Variants in AGAP1 observed in about 807,000 individuals in gnomAD.
AGAP1 encodes ArfGAP with GTPase domain, ankyrin repeat and PH domain 1, also known as arf-GAP with GTPase, ANK repeat and PH domain-containing protein 1.
AGAP1 carries 29 observed loss-of-function variants against 105.3 expected under a neutral mutation model. That is an observed-to-expected ratio of 0.28 (90% CI 0.21 to 0.38). The LOEUF (loss-of-function observed/expected upper bound fraction) is 0.38, where lower values mean the gene tolerates loss of function less well. Among genes scored for constraint, AGAP1 ranks in the 10% least tolerant of loss-of-function variants. The pLI, the probability that AGAP1 is intolerant of heterozygous loss-of-function variation, is 1.00. For synonymous variants in AGAP1, 509 were observed against 485.9 expected, an observed-to-expected ratio of 1.05 and a Z score of -0.63; for missense variants, 998 against 1,165.1, an observed-to-expected ratio of 0.86 and a Z score of 2.09.
rs2050997220 is a variant in AGAP1 at position 235,900,123 on chromosome 2, T to A, written c.1156-8615T>A. Among the ~76,000 whole-genome samples, 1 of 152,206 alleles carries A rather than the reference T, an allele frequency of 6.6e-6. No individual in the cohort carries two copies. The highest frequency in any genetic ancestry group is 1.5e-5 in the Non-Finnish European group (1 of 68,028). On this transcript the variant is annotated intron_variant, in intron 10 of 17. Coordinates refer to ENST00000304032, the MANE Select transcript of AGAP1 (RefSeq NM_001037131.3). The surrounding 1 kb of genome is among the most constrained non-coding windows in gnomAD (Gnocchi z 5.5). ...CCACTGTACATGAAGCTGCCACCAC[T>A]GGTCCCCAACAAGGCCTCACCAGCC...
At chr2:236,097,077 A>G (rs1015034668) in intron 16 of AGAP1, among the ~76,000 whole-genome samples, 4 of 152,124 alleles carry the variant, frequency 2.6e-5, no homozygotes, top group Non-Finnish European at 4.4e-5. Flanking sequence ...AGTGAAACCT[A>G]TTTCCTCCTG....
intron 6 of AGAP1, among the ~76,000 whole-genome samples, chr2:235,766,085 A>T (rs116560532): frequency 0.03 from 4,537 of 152,332 alleles, 225 homozygotes; most frequent in African/African-American, 0.1. Flanking sequence ...TGAATGTCGT[A>T]CTTAGAAGCC....
At chr2:236,043,450 G>C (rs770698631) in intron 15 of AGAP1, among the ~76,000 whole-genome samples, 11 of 152,310 alleles carry the variant, frequency 7.2e-5, no homozygotes, top group Non-Finnish European at 1.5e-4. Flanking sequence ...ATTGAGCCTG[G>C]GCACGGTGGC....
intron 11 of AGAP1, among the ~76,000 whole-genome samples, chr2:235,910,108 G>A (rs1260204057): frequency 9.1e-6 from 1 of 110,220 alleles, no homozygotes; most frequent in Non-Finnish European, 1.9e-5. Flanking sequence ...TTTTAAAGAG[G>A]GATGGTGCTG....
At chr2:235,946,798 C>A (rs1473601027) in intron 12 of AGAP1, among the ~76,000 whole-genome samples, 1 of 152,170 alleles carries the variant, frequency 6.6e-6, no homozygotes, top group Non-Finnish European at 1.5e-5. Context: ...GTGGTCCCGC[C>A]CCTCTGCCCA....
chr2:235,628,902 C>T (rs1363662843), intron 1 of AGAP1, among the ~76,000 whole-genome samples: 1 of 152,112 alleles, frequency 6.6e-6, no homozygotes, highest in Non-Finnish European at 1.5e-5. Context: ...ACCTCTGCCT[C>T]TCGGGTTCAA....
intron 6 of AGAP1, among the ~76,000 whole-genome samples, chr2:235,763,551 C>T (rs529237589): frequency 1.3e-4 from 20 of 152,220 alleles, no homozygotes; most frequent in Middle Eastern, 3.4e-3. Flanking sequence ...CCTAATTTCC[C>T]GAGGATCCAT....
chr2:235,563,463 G>A (rs1006023290), intron 1 of AGAP1, among the ~76,000 whole-genome samples: 10 of 152,126 alleles, frequency 6.6e-5, no homozygotes, highest in South Asian at 2.1e-4. Flanking sequence ...AAGATGCCTC[G>A]GCTCCTTCTG....
chr2:235,663,688 A>G lies in AGAP1; in HGVS notation c.164-45491A>G, dbSNP rs993240198. Among the ~76,000 whole-genome samples the G allele has an allele frequency of 1.3e-5, 2 of 152,294 alleles. No homozygotes were observed. The highest frequency in any genetic ancestry group is 6.5e-5 in the Admixed American group (1 of 15,290). On this transcript the variant is annotated intron_variant, in intron 1 of 17. Transcript: ENST00000304032. This position sits in a 1 kb window ranked among gnomAD's most constrained non-coding sequence, Gnocchi z 5.4. ...CTTGGTAAACATCCAGATGTTGTCA[A>G]ACATATTTAGGTCATTGTTCTCTGA...
chr2:235,686,552 T>TACACAC (rs1464294088), intron 1 of AGAP1, among the ~76,000 whole-genome samples: 6 of 54,350 alleles, frequency 1.1e-4, no homozygotes, highest in African/African-American at 3.7e-4. Flanking sequence ...AGGAGATATA[T>TACACAC]ATATACACAC....
rs1274915309 is a variant in AGAP1, at chr2:235,842,625, A to G, written c.1050+35294A>G. Among the ~76,000 whole-genome samples the G allele has an allele frequency of 2.0e-5, 3 of 152,254 alleles. No homozygotes were observed. The highest frequency in any genetic ancestry group is 7.2e-5 in the African/African-American group (3 of 41,458). ...AGAAGGGATCCTTTGGGACGTGCCAAAAAAGACCCACCTGTAGCAAGCCTC... is the reference window on the plus strand; with the variant it reads ...AGAAGGGATCCTTTGGGACGTGCCAGAAAAGACCCACCTGTAGCAAGCCTC... On this transcript the variant is annotated intron_variant, in intron 9 of 17. Transcript: ENST00000304032. The surrounding 1 kb of genome is among the most constrained non-coding windows in gnomAD (Gnocchi z 5.3).
chr2:235,794,339 G>C lies in AGAP1; in HGVS notation c.674-3420G>C, dbSNP rs145841262. Among the ~76,000 whole-genome samples the C allele has an allele frequency of 3.3e-4, 51 of 152,332 alleles. No individual in the cohort carries two copies. The East Asian group carries it at 9.1e-3, about 27-fold the overall frequency. ...ATTAAATTGGTAGTGTCAGTAGTAAGCGCAAATGTTTTCAGTACCCGTTGA... is the reference window on the plus strand; with the variant it reads ...ATTAAATTGGTAGTGTCAGTAGTAACCGCAAATGTTTTCAGTACCCGTTGA... On this transcript the variant is annotated intron_variant, in intron 6 of 17. Transcript: ENST00000304032.
chr2:236,054,047 C>T (rs763725497), intron 16 of AGAP1, among the ~76,000 whole-genome samples: 1 of 152,156 alleles, frequency 6.6e-6, no homozygotes, highest in Non-Finnish European at 1.5e-5. Flanking sequence ...CAGAAATCCA[C>T]GTGGGAGAGA....
In AGAP1 at chr2:235,872,314, G is replaced by GT. The variant is rs1277567577; in HGVS notation, c.1051-11029dup. 1.3e-5 allele frequency among the ~76,000 whole-genome samples: 2 copies of GT among 152,160 alleles called. No individual in the cohort carries two copies. The highest frequency in any genetic ancestry group is 2.9e-5 in the Non-Finnish European group (2 of 68,020). On this transcript the variant is annotated intron_variant, in intron 9 of 17. Transcript: ENST00000304032. The surrounding 1 kb of genome is among the most constrained non-coding windows in gnomAD (Gnocchi z 4.5). The stretch of plus-strand genomic sequence containing the variant: ...AAGCCACATAGGAGTCAAAGAAAGC[G>GT]TTAACTGTAATTGATGTCTTCACTG...
In AGAP1 at chr2:236,130,740, G is replaced by A. The variant is rs1371922428; in HGVS notation, c.*6618G>A. ...CCCCTGCCCAATACCACAGCCCTGGGGTGTCCCCTGACATTCCTGGAGGTC... is the reference window on the plus strand; with the variant it reads ...CCCCTGCCCAATACCACAGCCCTGGAGTGTCCCCTGACATTCCTGGAGGTC... On this transcript the variant is annotated 3_prime_UTR_variant, in exon 18 of 18. Transcript: ENST00000304032. The surrounding 1 kb of genome is among the most constrained non-coding windows in gnomAD (Gnocchi z 5.8). 1 of 152,614 alleles carries A rather than the reference G, an allele frequency of 6.6e-6. No individual in the cohort carries two copies. 9.5% of individuals were successfully genotyped at this position (152,614 alleles called of 1,614,324 possible). A position where few individuals can be genotyped will look rare whatever the true frequency, so the allele number is the denominator to read the frequency against.
In AGAP1 at chr2:235,526,164, GTAGAGGACTGACA is replaced by G. The variant is rs1378071027; in HGVS notation, c.163+31316_163+31328del. ...ATAAAGTAGAGGACTGATTTATAAA[GTAGAGGACTGACA>G]CATAATGTGGAGGACTGATTTATAA... On this transcript the variant is annotated intron_variant, in intron 1 of 17. Transcript: ENST00000304032. Among the ~76,000 whole-genome samples, 21 of 142,036 alleles carry G rather than the reference GTAGAGGACTGACA, an allele frequency of 1.5e-4. 3 individuals carry two copies. The highest frequency in any genetic ancestry group is 2.9e-4 in the African/African-American group (11 of 37,352). The allele number at this position is 142,036 out of a possible 152,430, so 93.2% of individuals were successfully genotyped here. A position where few individuals can be genotyped will look rare whatever the true frequency, so the allele number is the denominator to read the frequency against.
Position 235,494,821 on chromosome 2 carries a change from G to A in AGAP1, c.135G>A (p.Gln45=), listed in dbSNP as rs773627276. The A allele has an allele frequency of 1.6e-5, 26 of 1,578,600 alleles. No homozygotes were observed. In the South Asian group the frequency reaches 2.8e-4, roughly 17 times the overall value. Residue 45 remains glutamine, a synonymous_variant, in exon 1 of 18, where the codon CAG becomes CAA. Coordinates refer to ENST00000304032, the MANE Select transcript of AGAP1 (RefSeq NM_001037131.3). Reference sequence around the variant, plus strand: ...TGGAGGAGCCGGTGCTGCAGAACCAGATCCGGGAGCACGTCATCGCCATCG... The same window carrying A: ...TGGAGGAGCCGGTGCTGCAGAACCAAATCCGGGAGCACGTCATCGCCATCG... The part of the protein sequence containing the change: ...ERVEEPVLQN[Q]IREHVIAIED...
Position 235,962,147 on chromosome 2 carries a change from G to A in AGAP1, c.1484-6315G>A, listed in dbSNP as rs192070153. ...GTGGGGCGTGGGGTGTTTGAAGCGGGAGGAGAAGCTTTGAAATAGCCCCTT... is the reference window on the plus strand; with the variant it reads ...GTGGGGCGTGGGGTGTTTGAAGCGGAAGGAGAAGCTTTGAAATAGCCCCTT... On this transcript the variant is annotated intron_variant, in intron 12 of 17. Transcript: ENST00000304032. This position sits in a 1 kb window ranked among gnomAD's most constrained non-coding sequence, Gnocchi z 5.3. Among the ~76,000 whole-genome samples, 80 of 151,870 alleles carry A rather than the reference G, an allele frequency of 5.3e-4. No homozygotes were observed. The highest frequency in any genetic ancestry group is 3.4e-4 in the Non-Finnish European group (23 of 68,000).
chr2:235,496,748 C>T (rs771719281), intron 1 of AGAP1, among the ~76,000 whole-genome samples: 1 of 111,044 alleles, frequency 9.0e-6, no homozygotes, highest in Non-Finnish European at 1.9e-5. Context: ...TTGCATTTTC[C>T]TTTCTCCCTT....
Sources: gnomAD v4.1 joint callset for allele counts (sites outside exome capture counted in the v4.1 genomes callset) on GRCh38, gnomAD v4.1.1 for gene constraint, Gnocchi (gnomAD v3.1) non-coding constraint, MANE v1.5 for transcripts, NCBI Gene and HGNC (gene_info 2026-07-23, HGNC 2026-07-21) for gene names.